Variants in LIMCH1 observed in about 807,000 individuals in gnomAD.
LIMCH1 encodes LIM and calponin homology domains 1.
Under a neutral mutation model 176.5 loss-of-function variants are expected in LIMCH1, and 113 were observed. The observed-to-expected ratio is 0.64, with a 90% CI of 0.55 to 0.75. The LOEUF (loss-of-function observed/expected upper bound fraction) is 0.75, where lower values mean the gene tolerates loss of function less well. LIMCH1 is among the 30% of genes least tolerant of loss of function. LIMCH1 has a pLI of 0.00. For synonymous variants in LIMCH1, 619 were observed against 645.9 expected, an observed-to-expected ratio of 0.96 and a Z score of 0.63; for missense variants, 1,674 against 1,814.9, an observed-to-expected ratio of 0.92 and a Z score of 1.41.
chr4:41,653,334 G>T (rs2094364425), intron 18 of LIMCH1, among the ~76,000 whole-genome samples: 1 of 99,296 alleles, frequency 1.0e-5, no homozygotes, highest in Admixed American at 9.5e-5. Flanking sequence ...GTATACTCCT[G>T]TTAAAAAAAA....
In LIMCH1 at chr4:41,613,463, C is replaced by G; in HGVS notation, c.10-3C>G. 6.2e-7 allele frequency: 1 copy of G among 1,611,826 alleles called. No individual in the cohort carries two copies. Among genetic ancestry groups the G allele is most frequent in the South Asian group, 1.1e-5 (1 of 90,964 alleles). ...GTAACCCTTTCATTTTCTTTTTTGA[C>G]AGGACACTGATGACATTGAAAGTCC... is the stretch of plus-strand genomic sequence containing the variant. On this transcript the variant is annotated splice_polypyrimidine_tract_variant and splice_region_variant and intron_variant, in intron 4 of 31. Coordinates refer to ENST00000503057, the MANE Select transcript of LIMCH1 (RefSeq NM_001330672.2).
intron 21 of LIMCH1, 43 bp downstream of exon 21, chr4:41,666,709 C>A: frequency 8.0e-7 from 1 of 1,249,908 alleles, no homozygotes; most frequent in Non-Finnish European, 1.2e-6. Context: ...TGTTCTGGGC[C>A]CATCTGTAGT....
chr4:41,455,774 C>G (rs2064518535), intron 1 of LIMCH1, among the ~76,000 whole-genome samples: 2 of 152,172 alleles, frequency 1.3e-5, no homozygotes, highest in South Asian at 4.1e-4. Context: ...TAAATTGTTA[C>G]TGCTGTAGTT....
intron 5 of LIMCH1, among the ~76,000 whole-genome samples, chr4:41,616,459 G>A (rs948883248): frequency 3.9e-5 from 6 of 152,078 alleles, no homozygotes; most frequent in East Asian, 1.9e-4. Context: ...AACCTGGGAG[G>A]TGGAAGTTGC....
At chr4:41,628,223 T>A (rs551494545) in intron 8 of LIMCH1, among the ~76,000 whole-genome samples, 1 of 152,296 alleles carries the variant, frequency 6.6e-6, no homozygotes, top group African/African-American at 2.4e-5. Context: ...CAAGGCATAT[T>A]GATGGCAATC....
chr4:41,502,333 C>G (rs2073448416), intron 2 of LIMCH1, among the ~76,000 whole-genome samples: 1 of 152,114 alleles, frequency 6.6e-6, no homozygotes. Flanking sequence ...TGGATTGATT[C>G]CATTCTTCGC....
At chr4:41,468,581 T>A (rs1438139866) in intron 1 of LIMCH1, among the ~76,000 whole-genome samples, 1 of 151,756 alleles carries the variant, frequency 6.6e-6, no homozygotes, top group Non-Finnish European at 1.5e-5. Context: ...ACAGAGTGCT[T>A]CCCCAGATCT....
intron 12 of LIMCH1, 89 bp downstream of exon 12, chr4:41,633,174 A>G (rs2093414704): frequency 2.3e-6 from 2 of 886,224 alleles, no homozygotes; most frequent in Admixed American, 2.2e-5. Flanking sequence ...TTAAAGTCAC[A>G]GTCTGCACCT....
chr4:41,469,980 A>G (rs1477642504), intron 1 of LIMCH1, among the ~76,000 whole-genome samples: 1 of 152,080 alleles, frequency 6.6e-6, no homozygotes, highest in Non-Finnish European at 1.5e-5. Context: ...ATGCCTGGCC[A>G]AGATTTTGTT....
At chr4:41,479,647 A>G (rs1228063066) in intron 1 of LIMCH1, among the ~76,000 whole-genome samples, 1 of 152,186 alleles carries the variant, frequency 6.6e-6, no homozygotes, top group Non-Finnish European at 1.5e-5. Context: ...TTAATTATAA[A>G]TATTCTTTTA....
Position 41,593,260 on chromosome 4 carries a change from T to C in LIMCH1, c.-240-5660T>C, listed in dbSNP as rs567794959. Among the ~76,000 whole-genome samples, 4 of 152,374 alleles carry C rather than the reference T, an allele frequency of 2.6e-5. No individual in the cohort carries two copies. The South Asian group carries it at 8.3e-4, about 32-fold the overall frequency. On this transcript the variant is annotated intron_variant, in intron 1 of 31. Coordinates refer to ENST00000503057, the MANE Select transcript of LIMCH1 (RefSeq NM_001330672.2). ...CACTGGCCCATGAACAAGGAGGGTT[T>C]AATGTATGGAAGTTACATAAACAGT...
chr4:41,553,092 C>T (rs1411589502), intron 1 of LIMCH1, among the ~76,000 whole-genome samples: 2 of 152,202 alleles, frequency 1.3e-5, no homozygotes, highest in Non-Finnish European at 2.9e-5. Context: ...AATCTCTTCT[C>T]TCCCTTCTGG....
chr4:41,613,039 A>G (rs753100272), intron 4 of LIMCH1: 1 of 1,552,112 alleles, frequency 6.4e-7, no homozygotes, highest in South Asian at 1.2e-5. Flanking sequence ...TTGCACAGCT[A>G]AACCAGGGGC....
At chr4:41,385,080 C>G (rs2056307637) in intron 1 of LIMCH1, among the ~76,000 whole-genome samples, 1 of 152,158 alleles carries the variant, frequency 6.6e-6, no homozygotes, top group African/African-American at 2.4e-5. Flanking sequence ...TCTCTTTGTC[C>G]TCTTGAAGTT....
At chr4:41,541,294 G>A (rs935293390) in intron 1 of LIMCH1, among the ~76,000 whole-genome samples, 2 of 152,164 alleles carry the variant, frequency 1.3e-5, no homozygotes, top group Admixed American at 6.5e-5. Context: ...CCTTGAGAGT[G>A]TAGATTCGGG....
At position 41,608,015 on chromosome 4, in the gene LIMCH1, A is replaced by C. The variant is rs140617728; in HGVS notation, c.9+2011A>C. Among the ~76,000 whole-genome samples the C allele has an allele frequency of 2.2e-3, 341 of 152,366 alleles. 1 individual carries two copies. Among genetic ancestry groups the C allele is most frequent in the African/African-American group, 8.0e-3 (333 of 41,582 alleles). On this transcript the variant is annotated intron_variant, in intron 4 of 31. Coordinates refer to ENST00000503057, the MANE Select transcript of LIMCH1 (RefSeq NM_001330672.2). ...GGAAACACAAAAGCCTCAAAATAAC[A>C]GATAAAATAAGACAACAATTTTATT...
intron 1 of LIMCH1, among the ~76,000 whole-genome samples, chr4:41,363,119 C>T (rs947361918): frequency 5.9e-5 from 9 of 152,186 alleles, no homozygotes; most frequent in Non-Finnish European, 8.8e-5. Flanking sequence ...AGAGACCTCC[C>T]CCTTCCTTCC....
chr4:41,375,108 T>G (rs1179449297), intron 1 of LIMCH1, among the ~76,000 whole-genome samples: 2 of 152,150 alleles, frequency 1.3e-5, no homozygotes, highest in Non-Finnish European at 2.9e-5. Flanking sequence ...TACCACCAAT[T>G]GTTACTAACA....
At chr4:41,681,702 A>G (rs1045069892) in intron 25 of LIMCH1, among the ~76,000 whole-genome samples, 1 of 152,148 alleles carries the variant, frequency 6.6e-6, no homozygotes, top group Non-Finnish European at 1.5e-5. Flanking sequence ...AAAAAAACTA[A>G]TGCATGCTGG....
Sources: allele counts gnomAD v4.1 joint callset (sites outside exome capture counted in the v4.1 genomes callset), GRCh38; gene constraint gnomAD v4.1.1; transcripts MANE v1.5; gene names NCBI Gene and HGNC (gene_info 2026-07-23, HGNC 2026-07-21).